Variants in BCAR3 observed in about 807,000 individuals in gnomAD.
The protein encoded by BCAR3 is breast cancer anti-estrogen resistance protein 3.
A neutral mutation model predicts 80.1 loss-of-function variants in BCAR3; 37 were observed. That is an observed-to-expected ratio of 0.46 (90% confidence interval 0.36 to 0.61). BCAR3 has a LOEUF of 0.61. Ranked by LOEUF, BCAR3 falls within the 20% of genes least tolerant of loss-of-function variation. BCAR3 has a pLI of 0.00. For synonymous variants in BCAR3, 389 were observed against 418.9 expected, an observed-to-expected ratio of 0.93 and a Z score of 0.87; for missense variants, 978 against 1,068.2, an observed-to-expected ratio of 0.92 and a Z score of 1.18.
chr1:93,576,161 T>A, intron 7 of BCAR3, 32 bp from the exon 8 acceptor site: 1 of 1,557,916 alleles, frequency 6.4e-7, no homozygotes, highest in South Asian at 1.1e-5. Context: ...ATACACTGGA[T>A]CAGGAAGTGG....
chr1:93,584,800 T>C (rs925370786), intron 5 of BCAR3, among the ~76,000 whole-genome samples: 9 of 152,268 alleles, frequency 5.9e-5, no homozygotes, highest in Non-Finnish European at 1.0e-4. Context: ...CTCGCTGTTA[T>C]TCCTTCTGTC....
At chr1:93,732,600 G>A (rs1650826812) in intron 2 of BCAR3, among the ~76,000 whole-genome samples, 1 of 151,782 alleles carries the variant, frequency 6.6e-6, no homozygotes, top group African/African-American at 2.4e-5. Flanking sequence ...TTGGGTGACA[G>A]AGCAAGACCT....
intron 2 of BCAR3, among the ~76,000 whole-genome samples, chr1:93,669,188 C>A (rs116237612): frequency 6.6e-6 from 1 of 152,124 alleles, no homozygotes; most frequent in East Asian, 1.9e-4. Flanking sequence ...GGTGTATTTG[C>A]GTGTCTGAGG....
chr1:93,790,042 T>C (rs145860207), intron 2 of BCAR3, among the ~76,000 whole-genome samples: 71 of 152,266 alleles, frequency 4.7e-4, no homozygotes, highest in African/African-American at 1.6e-3. Flanking sequence ...AAATGGGCCA[T>C]AGAAGACTGC....
At chr1:93,717,368 T>C (rs1292952663) in intron 2 of BCAR3, among the ~76,000 whole-genome samples, 2 of 152,160 alleles carry the variant, frequency 1.3e-5, no homozygotes, top group African/African-American at 4.8e-5. Flanking sequence ...TTGGGGGCAG[T>C]TTTTTAAGCA....
At chr1:93,843,606 A>G (rs752336259) in intron 2 of BCAR3, among the ~76,000 whole-genome samples, 3 of 152,146 alleles carry the variant, frequency 2.0e-5, no homozygotes, top group African/African-American at 7.2e-5. Context: ...TGTTTTTTAA[A>G]TCTCACCCTT....
At chr1:93,701,990 G>T (rs1329378377) in intron 3 of BCAR3, among the ~76,000 whole-genome samples, 1 of 152,204 alleles carries the variant, frequency 6.6e-6, no homozygotes, top group Non-Finnish European at 1.5e-5. Flanking sequence ...CCATCCAGGA[G>T]CCTGTGGCTT....
chr1:93,744,245 T>C (rs2100699655), intron 2 of BCAR3, among the ~76,000 whole-genome samples: 1 of 152,342 alleles, frequency 6.6e-6, no homozygotes, highest in Admixed American at 6.5e-5. Context: ...TTATTCCCAA[T>C]GGTGCTTGAT....
intron 2 of BCAR3, among the ~76,000 whole-genome samples, chr1:93,754,885 C>T (rs1651692908): frequency 6.6e-6 from 1 of 152,172 alleles, no homozygotes; most frequent in African/African-American, 2.4e-5. Context: ...CAGGCAGTTG[C>T]TTCAGGAGGT....
At chr1:93,767,656 G>C (rs908403896) in intron 2 of BCAR3, among the ~76,000 whole-genome samples, 1 of 152,076 alleles carries the variant, frequency 6.6e-6, no homozygotes, top group African/African-American at 2.4e-5. Flanking sequence ...ACATAAATAT[G>C]CTCTTTGAGG....
chr1:93,761,789 C>A (rs1651956046), intron 2 of BCAR3, among the ~76,000 whole-genome samples: 2 of 152,332 alleles, frequency 1.3e-5, no homozygotes, highest in Middle Eastern at 3.4e-3. Context: ...TTCAATAACA[C>A]AAAGATCGTG....
rs1483589402 is a variant in BCAR3, at chr1:93,567,506, G to A, written c.2087-15C>T. The A allele has an allele frequency of 2.5e-6, 4 of 1,611,464 alleles. No homozygotes were observed. The highest frequency in any genetic ancestry group is 3.4e-6 in the Non-Finnish European group (4 of 1,178,062). On this transcript the variant is annotated splice_polypyrimidine_tract_variant and intron_variant, in intron 10 of 11. Transcript: ENST00000260502. ...ACATGTGGACTCTGAAGAATAAGGA[G>A]TAGAGTTTTCCATATCACATGTTTT...
chr1:93,626,442 T>C (rs1398992446), intron 3 of BCAR3, among the ~76,000 whole-genome samples: 1 of 152,206 alleles, frequency 6.6e-6, no homozygotes, highest in Non-Finnish European at 1.5e-5. Context: ...GCTCAAAGTG[T>C]GTTCCACAGG....
intron 2 of BCAR3, among the ~76,000 whole-genome samples, chr1:93,736,446 C>G (rs1285845628): frequency 6.6e-6 from 1 of 152,236 alleles, no homozygotes; most frequent in Non-Finnish European, 1.5e-5. Flanking sequence ...CTTGGCCTCC[C>G]AAAGTGCTGG....
In BCAR3 at chr1:93,721,572, C is replaced by A. The variant is rs191358002; in HGVS notation, c.-62-15430G>T. 2.5e-3 allele frequency among the ~76,000 whole-genome samples: 379 copies of A among 152,300 alleles called. 1 individual carries two copies. Among genetic ancestry groups the A allele is most frequent in the African/African-American group, 8.6e-3 (358 of 41,538 alleles). On this transcript the variant is annotated intron_variant, in intron 2 of 13. Coordinates refer to the BCAR3 transcript ENST00000370244. ...AGGAGACCTCTAGAACAGACTGGAA[C>A]CCTTGGTAAATGTTTGCTGACCTAA...
chr1:93,619,376 A>C (rs1179938033), intron 3 of BCAR3, among the ~76,000 whole-genome samples: 1 of 152,136 alleles, frequency 6.6e-6, no homozygotes, highest in Admixed American at 6.5e-5. Flanking sequence ...GCTTCAGGGG[A>C]TTCTTGTATC....
At chr1:93,702,537 C>T (rs1649681592) in intron 3 of BCAR3, among the ~76,000 whole-genome samples, 1 of 150,572 alleles carries the variant, frequency 6.6e-6, no homozygotes, top group Admixed American at 6.6e-5. Flanking sequence ...AGTTCCTGGG[C>T]TCAGGCCCAG....
chr1:93,662,382 T>C (rs1647702791), intron 2 of BCAR3, among the ~76,000 whole-genome samples: 1 of 152,226 alleles, frequency 6.6e-6, no homozygotes, highest in Admixed American at 6.5e-5. Context: ...TTTTGGACTC[T>C]GGTGCTAGTC....
chr1:93,816,688 A>G (rs77092026), intron 2 of BCAR3, among the ~76,000 whole-genome samples: 1 of 150,610 alleles, frequency 6.6e-6, no homozygotes, highest in Non-Finnish European at 1.5e-5. Flanking sequence ...AAAAAAAAAA[A>G]AAAAAAAGAA....
Sources: gnomAD v4.1 joint callset for allele counts (sites outside exome capture counted in the v4.1 genomes callset) on GRCh38, gnomAD v4.1.1 for gene constraint, MANE v1.5 for transcripts, NCBI Gene and HGNC (gene_info 2026-07-23, HGNC 2026-07-21) for gene names.